FDFT1: variants seen among roughly 807,000 people sequenced by gnomAD.
The protein encoded by FDFT1 is farnesyl-diphosphate farnesyltransferase 1.
Under a neutral mutation model 46.8 loss-of-function variants are expected in FDFT1, and 68 were observed. The ratio of observed to expected loss-of-function variants is 1.45; its 90% confidence interval spans 1.19 to 1.78. FDFT1 has a LOEUF of 1.78. FDFT1 is among the 40% of genes most tolerant of loss of function. The pLI is 0.00. For missense variants in FDFT1, 928 were observed against 524.4 expected (o/e 1.77, Z -7.52); for synonymous variants, 351 against 185.1 (o/e 1.90, Z -7.28).
Position 11,808,892 on chromosome 8 carries a change from G to T in FDFT1, c.197+1G>T. 1.2e-6 allele frequency: 2 copies of T among 1,613,142 alleles called. No individual in the cohort carries two copies. The highest frequency in any genetic ancestry group is 8.5e-7 in the Non-Finnish European group (1 of 1,179,640). On this transcript the variant is annotated splice_donor_variant, in intron 2 of 7. Transcript: ENST00000220584. LOFTEE classifies it high-confidence loss of function. ...TCCAGGCGCTGGATGGGGAAATGCG[G>T]TGAGTGATGGAGGCAGCGCCTCTGG...
rs193241760 is a variant in FDFT1 at position 11,814,353 on chromosome 8, C to G, written c.381+4503C>G. 2.6e-3 allele frequency among the ~76,000 whole-genome samples: 354 copies of G among 135,390 alleles called. 1 individual carries two copies. The highest frequency in any genetic ancestry group is 9.4e-3 in the African/African-American group (325 of 34,584). 88.8% of individuals were successfully genotyped at this position (135,390 alleles called of 152,430 possible). ...GGGGGTATTGACAGTTGATGTTAATCAGAAATCCTAAATTATGTGTATTCC... is the reference window on the plus strand; with the variant it reads ...GGGGGTATTGACAGTTGATGTTAATGAGAAATCCTAAATTATGTGTATTCC... On this transcript the variant is annotated intron_variant, in intron 3 of 7. Coordinates refer to ENST00000220584, the MANE Select transcript of FDFT1 (RefSeq NM_004462.5).
chr8:11,838,595 A>G lies in FDFT1; in HGVS notation c.1240A>G (p.Thr414Ala). 6.2e-7 allele frequency: 1 copy of G among 1,613,510 alleles called. No homozygotes were observed. The highest frequency in any genetic ancestry group is 2.2e-5 in the East Asian group (1 of 44,868). Residue 414 changes from threonine to alanine, a missense_variant, in exon 8 of 8, where the codon ACT becomes GCT. By Grantham distance (58) the Thr-to-Ala change is moderately conservative. Coordinates refer to ENST00000220584, the MANE Select transcript of FDFT1 (RefSeq NM_004462.5). ...CCAGGTAACAGAAGACTATGTTCAG[A>G]CTGGAGAACACTGATCCCAAATTTG... ...LSQVTEDYVQ[T>A]GEH
chr8:11,834,677 AATG>A (rs1811299072), intron 7 of FDFT1, among the ~76,000 whole-genome samples: 2 of 152,246 alleles, frequency 1.3e-5, no homozygotes, highest in Admixed American at 6.5e-5. Context: ...AAGAGTTTTA[AATG>A]ATGATCAAGC....
At chr8:11,819,416 TCTC>T (rs1260791387) in intron 3 of FDFT1, among the ~76,000 whole-genome samples, 5 of 152,194 alleles carry the variant, frequency 3.3e-5, no homozygotes, top group Admixed American at 6.5e-5. Flanking sequence ...TTGGGGAAGT[TCTC>T]CTGGATAATA....
chr8:11,824,582 T>C (rs1809703812), intron 4 of FDFT1, among the ~76,000 whole-genome samples: 1 of 141,626 alleles, frequency 7.1e-6, no homozygotes, highest in Admixed American at 7.5e-5. Context: ...CCTGTGTCAC[T>C]GTGCCTGGCT....
intron 5 of FDFT1, among the ~76,000 whole-genome samples, chr8:11,828,510 T>C (rs1018217337): frequency 1.3e-5 from 2 of 152,164 alleles, no homozygotes; most frequent in African/African-American, 2.4e-5. Flanking sequence ...GTCTCCCGGC[T>C]CCTAGGCCAG....
chr8:11,800,416 C>G (rs569118442), upstream of FDFT1, among the ~76,000 whole-genome samples: 147 of 152,108 alleles, frequency 9.7e-4, no homozygotes, highest in African/African-American at 3.3e-3. Context: ...TAACCTGACT[C>G]GTCCACCCCA....
At position 11,830,128 on chromosome 8, in the gene FDFT1, G is replaced by T. The variant is rs1810568376; in HGVS notation, c.703-116G>T. 3.4e-6 allele frequency: 3 copies of T among 871,554 alleles called. No homozygotes were observed. In the East Asian group the frequency reaches 7.5e-5, roughly 22 times the overall value. The allele number at this position is 871,554 out of a possible 1,614,324, so 54.0% of individuals were successfully genotyped here. A position where few individuals can be genotyped will look rare whatever the true frequency, so the allele number is the denominator to read the frequency against. On this transcript the variant is annotated intron_variant, in intron 5 of 7. Coordinates refer to ENST00000220584, the MANE Select transcript of FDFT1 (RefSeq NM_004462.5). ...CCCAAAGTGCTGGGATTACAGGCGT[G>T]AGCCACGGCGCCCAGCCTGTATCAT...
Position 11,808,896 on chromosome 8 carries a change from G to T in FDFT1, c.197+5G>T. ...GGCGCTGGATGGGGAAATGCGGTGA[G>T]TGATGGAGGCAGCGCCTCTGGCTTG... On this transcript the variant is annotated splice_donor_5th_base_variant and intron_variant, in intron 2 of 7. Coordinates refer to ENST00000220584, the MANE Select transcript of FDFT1 (RefSeq NM_004462.5). 6.2e-7 allele frequency: 1 copy of T among 1,612,956 alleles called. No homozygotes were observed. The highest frequency in any genetic ancestry group is 8.5e-7 in the Non-Finnish European group (1 of 1,179,572).
chr8:11,815,727 C>T (rs1051689932), intron 3 of FDFT1, among the ~76,000 whole-genome samples: 1 of 152,048 alleles, frequency 6.6e-6, no homozygotes, highest in African/African-American at 2.4e-5. Flanking sequence ...TGTTGATTTT[C>T]TTGTAAATTT....
rs1458711978 is a variant in FDFT1 at position 11,838,818 on chromosome 8, T to A, written c.*209T>A. ...GCCTCATCCCAGCAACCTGTCCTTG[T>A]GGGTGATGATCACTGTGCTGCTTGT... On this transcript the variant is annotated 3_prime_UTR_variant, in exon 8 of 8. Transcript: ENST00000220584. 1.0e-5 allele frequency: 6 copies of A among 573,680 alleles called. No homozygotes were observed. Among genetic ancestry groups the A allele is most frequent in the Admixed American group, 2.9e-5 (1 of 34,568 alleles). 35.5% of individuals were successfully genotyped at this position (573,680 alleles called of 1,614,324 possible).
At chr8:11,808,740 TC>T (rs1807263931) in intron 1 of FDFT1, 53 bp from the exon 2 acceptor site, 7 of 1,589,466 alleles carry the variant, frequency 4.4e-6, no homozygotes, top group Non-Finnish European at 6.0e-6. Context: ...CCACTCCCAC[TC>T]CCACTCCTGC....
At chr8:11,803,081 C>A (rs973022607) in intron 1 of FDFT1, 150 bp downstream of exon 1, 23 of 1,442,066 alleles carry the variant, frequency 1.6e-5, no homozygotes, top group Non-Finnish European at 2.0e-5. Context: ...CTCGAGCCTT[C>A]CCCCTGTAGG....
chr8:11,836,893 C>T (rs983057138), intron 7 of FDFT1, among the ~76,000 whole-genome samples: 3 of 152,202 alleles, frequency 2.0e-5, no homozygotes, highest in East Asian at 1.9e-4. Context: ...AAAAATTAGC[C>T]AGGGATGCAC....
intron 3 of FDFT1, among the ~76,000 whole-genome samples, chr8:11,815,802 C>T (rs1342067166): frequency 6.6e-6 from 1 of 152,108 alleles, no homozygotes; most frequent in East Asian, 1.9e-4. Context: ...CAAAAATTTT[C>T]TCCTATTCTG....
chr8:11,824,697 T>TA (rs1272166255), intron 4 of FDFT1, among the ~76,000 whole-genome samples: 1 of 152,222 alleles, frequency 6.6e-6, no homozygotes, highest in Non-Finnish European at 1.5e-5. Context: ...ATGTACCTGA[T>TA]ACAATGTTTG....
At chr8:11,832,133 G>A (rs1368002770) in intron 7 of FDFT1, among the ~76,000 whole-genome samples, 1 of 152,134 alleles carries the variant, frequency 6.6e-6, no homozygotes, top group Admixed American at 6.5e-5. Context: ...TTAGGCCAAG[G>A]AAAGCCATCA....
chr8:11,796,297 G>C (rs1410119224), intron 1 of FDFT1, among the ~76,000 whole-genome samples: 1 of 152,226 alleles, frequency 6.6e-6, no homozygotes, highest in African/African-American at 2.4e-5. Context: ...GGACTGATCT[G>C]ATTACGCTGT....
intron 7 of FDFT1, among the ~76,000 whole-genome samples, chr8:11,833,695 T>TA (rs1222839989): frequency 6.6e-6 from 1 of 152,210 alleles, no homozygotes; most frequent in Non-Finnish European, 1.5e-5. Flanking sequence ...CATTTGCTTC[T>TA]TTGTCTTCTG....
Sources: gnomAD v4.1 joint callset for allele counts (sites outside exome capture counted in the v4.1 genomes callset) on GRCh38, gnomAD v4.1.1 for gene constraint, MANE v1.5 for transcripts, NCBI Gene and HGNC (gene_info 2026-07-23, HGNC 2026-07-21) for gene names.